The following ZNF740 variants were observed in gnomAD, a reference collection of about 807,000 sequenced individuals.
ZNF740 encodes the protein oriLyt TD-element-binding protein 7.
Under a neutral mutation model 24.8 loss-of-function variants are expected in ZNF740, and 14 were observed. That is an observed-to-expected ratio of 0.56 (90% confidence interval 0.37 to 0.88). The LOEUF (loss-of-function observed/expected upper bound fraction) is 0.88, where lower values mean the gene tolerates loss of function less well. Ranked by LOEUF, ZNF740 falls within the 40% of genes least tolerant of loss-of-function variation. ZNF740 has a pLI of 0.00. For synonymous variants in ZNF740, 69 were observed against 84.0 expected (o/e 0.82, Z 0.98); for missense variants, 201 against 247.9 (o/e 0.81, Z 1.27).
intron 1 of ZNF740, 35 bp from the exon 2 acceptor site, chr12:53,181,642 C>G (rs541938642): frequency 9.1e-5 from 39 of 427,978 alleles, no homozygotes; most frequent in Middle Eastern, 8.1e-4. Flanking sequence ...GAAGATGTTG[C>G]ATTTAGCAGC....
chr12:53,186,401 A>G lies in ZNF740; in HGVS notation c.384A>G (p.Pro128=). 1.3e-6 allele frequency: 2 copies of G among 1,578,346 alleles called. No individual in the cohort carries two copies. The highest frequency in any genetic ancestry group is 1.7e-6 in the Non-Finnish European group (2 of 1,161,220). ...RHILIHTGEK[P]FECDICDMRF... ...GTCCACCTGGGCCAGGTGAGAAGCC[A>G]TTTGAATGCGATATATGTGATATGC... Residue 128 remains proline (P), a synonymous_variant, in exon 6 of 7, where the codon CCA becomes CCG. Coordinates refer to ENST00000416904, the MANE Select transcript of ZNF740 (RefSeq NM_001004304.4).
At position 53,192,047 on chromosome 12, in the gene ZNF740, T is replaced by C. The variant is rs11574544; in HGVS notation, c.*4457T>C. ...GTGAACAAGAAACCAGACACACTTG[T>C]GGGAGCTGGAGCATAGGGACAGATC... On this transcript the variant is annotated 3_prime_UTR_variant, in exon 7 of 7. Coordinates refer to ENST00000416904, the MANE Select transcript of ZNF740 (RefSeq NM_001004304.4). 2.4e-4 allele frequency: 393 copies of C among 1,605,870 alleles called. No individual in the cohort carries two copies. In the African/African-American group the frequency reaches 4.3e-3, roughly 18 times the overall value.
chr12:53,185,359 T>C, intron 3 of ZNF740, 28 bp from the exon 4 acceptor site: 2 of 1,611,380 alleles, frequency 1.2e-6, no homozygotes, highest in South Asian at 2.2e-5. Context: ...AGATGGGCTA[T>C]GAGTTTAGAT....
At position 53,193,177 on chromosome 12, in the gene ZNF740, A is replaced by G. The variant is rs776162484; in HGVS notation, c.*5587A>G. On this transcript the variant is annotated 3_prime_UTR_variant, in exon 7 of 7. Coordinates refer to ENST00000416904, the MANE Select transcript of ZNF740 (RefSeq NM_001004304.4). ...TGCCCTCATGTCGCTCACAGCTGGCATCGTCACACTCGCACAGATGCCCAG... is the reference window on the plus strand; with the variant it reads ...TGCCCTCATGTCGCTCACAGCTGGCGTCGTCACACTCGCACAGATGCCCAG... 1.4e-5 allele frequency: 23 copies of G among 1,613,596 alleles called. No homozygotes were observed. The highest frequency in any genetic ancestry group is 1.9e-5 in the Non-Finnish European group (23 of 1,179,714).
At position 53,194,198 on chromosome 12, in the gene ZNF740, C is replaced by T. The variant is rs537570362; in HGVS notation, c.*6608C>T. On this transcript the variant is annotated 3_prime_UTR_variant, in exon 7 of 7. Transcript: ENST00000416904. The stretch of plus-strand genomic sequence containing the variant: ...TCTGCCTGTGCTTGCTGGCTCTCAC[C>T]GTCTGGTTGATTCGGACGTGGTTGC... The T allele has an allele frequency of 7.4e-6, 12 of 1,614,078 alleles. No individual in the cohort carries two copies. The highest frequency in any genetic ancestry group is 2.2e-5 in the East Asian group (1 of 44,874).
In ZNF740 at chr12:53,193,089, G is replaced by T. The variant is rs765889125; in HGVS notation, c.*5499G>T. The T allele has an allele frequency of 2.0e-6, 3 of 1,513,994 alleles. No individual in the cohort carries two copies. Among genetic ancestry groups the T allele is most frequent in the East Asian group, 4.6e-5 (2 of 43,806 alleles). 93.8% of individuals were successfully genotyped at this position (1,513,994 alleles called of 1,614,324 possible). A position where few individuals can be genotyped will look rare whatever the true frequency, so the allele number is the denominator to read the frequency against. ...GCCAGGAGATTCCCAGAGCCTAAGT[G>T]CCTTGGGAAGGCCTCTCAGACCCCG... On this transcript the variant is annotated 3_prime_UTR_variant, in exon 7 of 7. Coordinates refer to ENST00000416904, the MANE Select transcript of ZNF740 (RefSeq NM_001004304.4).
chr12:53,180,873 T>C, intron 1 of ZNF740, 36 bp downstream of exon 1: 1 of 1,214,376 alleles, frequency 8.2e-7, no homozygotes, highest in South Asian at 1.4e-5. Context: ...GCGTCGTCCG[T>C]ACAGACGGCA....
rs781513236 is a variant in ZNF740 at position 53,191,779 on chromosome 12, G to A, written c.*4189G>A. 97 of 1,587,526 alleles carry A rather than the reference G, an allele frequency of 6.1e-5. 1 individual carries two copies. The highest frequency in any genetic ancestry group is 6.1e-5 in the Non-Finnish European group (71 of 1,157,626). On this transcript the variant is annotated 3_prime_UTR_variant, in exon 7 of 7. Coordinates refer to ENST00000416904, the MANE Select transcript of ZNF740 (RefSeq NM_001004304.4). ...TTGGTTACATGTGCCAGGGGCTGGG[G>A]GAACCCAGTGGGAGGAATCAGGGCT...
chr12:53,181,364 C>G (rs1941621523), intron 1 of ZNF740: 1 of 985,332 alleles, frequency 1.0e-6, no homozygotes. Flanking sequence ...GCTTTTCGGG[C>G]CGGCCCACTG....
At position 53,190,670 on chromosome 12, in the gene ZNF740, C is replaced by T. The variant is rs1275400086; in HGVS notation, c.*3080C>T. 2 of 151,798 alleles carry T rather than the reference C, an allele frequency of 1.3e-5. No homozygotes were observed. Among genetic ancestry groups the T allele is most frequent in the African/African-American group, 2.4e-5 (1 of 41,326 alleles). The allele number at this position is 151,798 out of a possible 1,614,324, so 9.4% of individuals were successfully genotyped here. A position where few individuals can be genotyped will look rare whatever the true frequency, so the allele number is the denominator to read the frequency against. On this transcript the variant is annotated 3_prime_UTR_variant, in exon 7 of 7. Transcript: ENST00000416904. Reference sequence around the variant, plus strand: ...TCCCCTTCCTATCCTCCTCTCCACCCTGTTTTTTGTTTTTTTTTTTTTTAA... The same window carrying T: ...TCCCCTTCCTATCCTCCTCTCCACCTTGTTTTTTGTTTTTTTTTTTTTTAA...
chr12:53,194,434 C>T lies in ZNF740; in HGVS notation c.*6844C>T. ...TCCTCTCCAGGTGTTCCCAATTCTG[C>T]CAGCACCCTGCCCTCTGCCACCTGG... On this transcript the variant is annotated 3_prime_UTR_variant, in exon 7 of 7. Coordinates refer to ENST00000416904, the MANE Select transcript of ZNF740 (RefSeq NM_001004304.4). 7.4e-7 allele frequency: 1 copy of T among 1,353,184 alleles called. No homozygotes were observed. Among genetic ancestry groups the T allele is most frequent in the South Asian group, 1.3e-5 (1 of 76,568 alleles). The allele number at this position is 1,353,184 out of a possible 1,614,324, so 83.8% of individuals were successfully genotyped here. A position where few individuals can be genotyped will look rare whatever the true frequency, so the allele number is the denominator to read the frequency against.
At position 53,185,004 on chromosome 12, in the gene ZNF740, G is replaced by A. The variant is rs1941795536; in HGVS notation, c.123G>A (p.Arg41=). The change falls in exon 3 of 7, where the codon CGG becomes CGA. Residue 41 remains arginine (R), a synonymous_variant. Transcript: ENST00000416904. ...GCAAGCAGGCCGAGAATGGCGAGCG[G>A]GCAGGTAGCCCTGATGTGCTGAGGT... ...IASKQAENGE[R]AGSPDVLRCS... 2.7e-5 allele frequency: 44 copies of A among 1,613,898 alleles called. No homozygotes were observed. The highest frequency in any genetic ancestry group is 3.7e-5 in the Non-Finnish European group (44 of 1,179,906).
Position 53,192,402 on chromosome 12 carries a change from TG to T in ZNF740, c.*4813del. The T allele has an allele frequency of 1.9e-6, 3 of 1,613,572 alleles. No homozygotes were observed. The highest frequency in any genetic ancestry group is 2.5e-6 in the Non-Finnish European group (3 of 1,179,858). The stretch of plus-strand genomic sequence containing the variant: ...TCCACCAAGAAGAAGAACAGCTGGT[TG>T]TCCAGGGTCCGCTCTTTGCACCAGC... On this transcript the variant is annotated 3_prime_UTR_variant, in exon 7 of 7. Coordinates refer to ENST00000416904, the MANE Select transcript of ZNF740 (RefSeq NM_001004304.4).
In ZNF740 at chr12:53,191,372, G is replaced by A; in HGVS notation, c.*3782G>A. 1.6e-6 allele frequency: 1 copy of A among 618,912 alleles called. No individual in the cohort carries two copies. The highest frequency in any genetic ancestry group is 1.8e-5 in the South Asian group (1 of 55,210). 38.3% of individuals were successfully genotyped at this position (618,912 alleles called of 1,614,324 possible). A position where few individuals can be genotyped will look rare whatever the true frequency, so the allele number is the denominator to read the frequency against. On this transcript the variant is annotated 3_prime_UTR_variant, in exon 7 of 7. Transcript: ENST00000416904. ...CTTGGGTGGGGTAGCCCAGATGGAT[G>A]CAAGGTTGCAGGCATGGGAAGCAGC... is the stretch of plus-strand genomic sequence containing the variant.
intron 2 of ZNF740, among the ~76,000 whole-genome samples, chr12:53,184,114 G>GGTGTGTGTGT (rs754768891): frequency 0.011 from 1,383 of 123,450 alleles, 16 homozygotes; most frequent in South Asian, 0.026. Context: ...GAAGCTAAGG[G>GGTGTGTGTGT]GTGTGTGTGT....
rs755047217 is a variant in ZNF740, at chr12:53,191,981, C to T, written c.*4391C>T. ...AGCCCCACTGCCACGATGCCCCCTACGCAGCCCAGCACAATGGCCTGCGTG... is the reference window on the plus strand; with the variant it reads ...AGCCCCACTGCCACGATGCCCCCTATGCAGCCCAGCACAATGGCCTGCGTG... On this transcript the variant is annotated 3_prime_UTR_variant, in exon 7 of 7. Coordinates refer to ENST00000416904, the MANE Select transcript of ZNF740 (RefSeq NM_001004304.4). 2.4e-5 allele frequency: 39 copies of T among 1,612,620 alleles called. No homozygotes were observed. The South Asian group carries it at 2.6e-4, about 11-fold the overall frequency.
Position 53,191,507 on chromosome 12 carries a change from C to A in ZNF740, c.*3917C>A. On this transcript the variant is annotated 3_prime_UTR_variant, in exon 7 of 7. Transcript: ENST00000416904. ...CCACCCTTCCTCTCACCCTCCAGTT[C>A]CCACTGTCCTCCAAGGAGAAGAGCC... The A allele has an allele frequency of 6.9e-7, 1 of 1,442,506 alleles. No individual in the cohort carries two copies. The highest frequency in any genetic ancestry group is 1.1e-5 in the South Asian group (1 of 87,610). 89.4% of individuals were successfully genotyped at this position (1,442,506 alleles called of 1,614,324 possible).
chr12:53,182,034 C>G (rs748952945), intron 2 of ZNF740, 42 bp downstream of exon 2: 1 of 1,599,070 alleles, frequency 6.3e-7, no homozygotes, highest in Non-Finnish European at 8.5e-7. Flanking sequence ...ACTGGGAAGC[C>G]TGTTTGCAGT....
rs572761964 is a variant in ZNF740, at chr12:53,184,314, G to C, written c.10-577G>C. 1.9e-3 allele frequency among the ~76,000 whole-genome samples: 286 copies of C among 152,030 alleles called. 1 individual carries two copies. Among genetic ancestry groups the C allele is most frequent in the African/African-American group, 6.6e-3 (273 of 41,498 alleles). ...AGCAATTCTTCTGCCTCAGCCTCCC[G>C]AGTAGCTGGGACCGCAGGTGTGTGC... On this transcript the variant is annotated intron_variant, in intron 2 of 6. Transcript: ENST00000416904.
Sources: gnomAD v4.1 joint callset for allele counts (sites outside exome capture counted in the v4.1 genomes callset) on GRCh38, gnomAD v4.1.1 for gene constraint, MANE v1.5 for transcripts, NCBI Gene and HGNC (gene_info 2026-07-23, HGNC 2026-07-21) for gene names.